The following ZCWPW2 variants were observed in gnomAD, a reference collection of about 807,000 sequenced individuals.
ZCWPW2 encodes the protein zinc finger CW-type PWWP domain protein 2.
Under a neutral mutation model 46.6 loss-of-function variants are expected in ZCWPW2, and 45 were observed. The ratio of observed to expected loss-of-function variants is 0.96; its 90% confidence interval spans 0.76 to 1.24. The LOEUF (loss-of-function observed/expected upper bound fraction) is 1.24. Ranked by LOEUF, ZCWPW2 falls within the 50% of genes most tolerant of loss-of-function variation. The pLI is 0.00. For synonymous variants in ZCWPW2, 152 were observed against 137.1 expected (o/e 1.11, Z -0.76); for missense variants, 429 against 403.9 (o/e 1.06, Z -0.53).
chr3:28,480,861 TTTC>T (rs1208976599), intron 5 of ZCWPW2, among the ~76,000 whole-genome samples: 217 of 130,970 alleles, frequency 1.7e-3, no homozygotes, highest in African/African-American at 5.4e-3. Context: ...CCTCATTTTT[TTTC>T]TTTTTTTTTT....
At chr3:28,491,820 C>T (rs186259623) in intron 5 of ZCWPW2, among the ~76,000 whole-genome samples, 11 of 152,192 alleles carry the variant, frequency 7.2e-5, no homozygotes, top group Non-Finnish European at 1.5e-4. Flanking sequence ...CCAGAGCACA[C>T]AAGCTCCCCA....
chr3:28,399,633 A>G (rs985352620), intron 2 of ZCWPW2, among the ~76,000 whole-genome samples: 1 of 152,228 alleles, frequency 6.6e-6, no homozygotes, highest in African/African-American at 2.4e-5. Flanking sequence ...CCCCAGTATC[A>G]GCCTGGAGCC....
intron 1 of ZCWPW2, among the ~76,000 whole-genome samples, chr3:28,371,873 A>G (rs753425115): frequency 2.6e-5 from 4 of 151,916 alleles, no homozygotes; most frequent in Non-Finnish European, 5.9e-5. Context: ...AGTTTAGTCA[A>G]AGGGAGAGTC....
intron 1 of ZCWPW2, among the ~76,000 whole-genome samples, chr3:28,362,328 A>G (rs1704971336): frequency 1.3e-5 from 2 of 152,172 alleles, no homozygotes; most frequent in South Asian, 2.1e-4. Flanking sequence ...ATAGTTCAAT[A>G]GAAGCCACAG....
intron 4 of ZCWPW2, among the ~76,000 whole-genome samples, chr3:28,464,254 A>G (rs142729570): frequency 1.9e-3 from 292 of 152,272 alleles, no homozygotes; most frequent in African/African-American, 6.6e-3. Flanking sequence ...AGATGGTAGC[A>G]CTGGAATGGC....
chr3:28,363,796 A>G (rs1200528010), intron 1 of ZCWPW2, among the ~76,000 whole-genome samples: 1 of 152,056 alleles, frequency 6.6e-6, no homozygotes, highest in Non-Finnish European at 1.5e-5. Flanking sequence ...ACTCCTTCTC[A>G]TAGAAACCAC....
chr3:28,492,407 A>G (rs1699841813), intron 6 of ZCWPW2, among the ~76,000 whole-genome samples: 1 of 152,138 alleles, frequency 6.6e-6, no homozygotes, highest in Non-Finnish European at 1.5e-5. Context: ...GAGAACTATA[A>G]GTAAACAAGT....
chr3:28,411,523 C>T (rs1696398817), intron 2 of ZCWPW2, among the ~76,000 whole-genome samples: 1 of 151,822 alleles, frequency 6.6e-6, no homozygotes, highest in African/African-American at 2.4e-5. Context: ...GTCTTAGCCA[C>T]CATAGTAAGA....
At position 28,476,855 on chromosome 3, in the gene ZCWPW2, T is replaced by C. The variant is rs142709007; in HGVS notation, c.493-1959T>C. Among the ~76,000 whole-genome samples the C allele has an allele frequency of 5.7e-3, 872 of 152,094 alleles. 6 individuals are homozygous for C. Among genetic ancestry groups the C allele is most frequent in the African/African-American group, 0.018 (739 of 41,488 alleles). ...TTATAAGGAGCACACAACCTAGATC[T>C]CTCCCACGTGCAGTTCACAATAGGG... is the stretch of plus-strand genomic sequence containing the variant. On this transcript the variant is annotated intron_variant, in intron 4 of 9. Coordinates refer to ENST00000383768, the MANE Select transcript of ZCWPW2 (RefSeq NM_001040432.4).
At chr3:28,420,247 A>T (rs1047121616) in intron 3 of ZCWPW2, among the ~76,000 whole-genome samples, 1 of 151,488 alleles carries the variant, frequency 6.6e-6, no homozygotes, top group Non-Finnish European at 1.5e-5. Flanking sequence ...TCAGTTTTAG[A>T]TCTTTCCTGC....
chr3:28,413,821 T>C (rs1696513042), intron 3 of ZCWPW2, among the ~76,000 whole-genome samples: 2 of 152,154 alleles, frequency 1.3e-5, no homozygotes, highest in African/African-American at 4.8e-5. Flanking sequence ...AAATCTGTTG[T>C]AATCAGTTCC....
At chr3:28,350,414 C>A (rs541311117) in intron 1 of ZCWPW2, among the ~76,000 whole-genome samples, 1 of 152,236 alleles carries the variant, frequency 6.6e-6, no homozygotes, top group African/African-American at 2.4e-5. Context: ...TGTCATAAAT[C>A]AGTATTTTGA....
intron 2 of ZCWPW2, among the ~76,000 whole-genome samples, chr3:28,409,229 C>T (rs1234346673): frequency 6.7e-6 from 1 of 149,984 alleles, no homozygotes; most frequent in Non-Finnish European, 1.5e-5. Context: ...AAGCGATTCT[C>T]CTGCCTCAGC....
At chr3:28,380,724 CTTTCCATTTTTCCCTACATGGAATATG>C (rs1395773587) in intron 1 of ZCWPW2, among the ~76,000 whole-genome samples, 3 of 151,570 alleles carry the variant, frequency 2.0e-5, no homozygotes, top group African/African-American at 7.3e-5. Context: ...TGATTAATCT[CTTTCCATTTTTCCCTACATGGAATATG>C]TCAGTGAGTC....
chr3:28,468,940 T>C (rs950079027), intron 4 of ZCWPW2, among the ~76,000 whole-genome samples: 10 of 152,164 alleles, frequency 6.6e-5, no homozygotes, highest in Admixed American at 2.6e-4. Flanking sequence ...CACTGTTAAC[T>C]GTGTTGTGTA....
chr3:28,405,616 C>G (rs1216861358), intron 2 of ZCWPW2, among the ~76,000 whole-genome samples: 1 of 152,090 alleles, frequency 6.6e-6, no homozygotes, highest in Non-Finnish European at 1.5e-5. Context: ...GCCAGGATTA[C>G]AGGCACCCAC....
At chr3:28,375,004 C>G (rs1351905610) in intron 1 of ZCWPW2, among the ~76,000 whole-genome samples, 2 of 151,906 alleles carry the variant, frequency 1.3e-5, no homozygotes, top group African/African-American at 4.8e-5. Flanking sequence ...CTTGAGAGCA[C>G]CAGTGGTAGG....
rs757031560 is a variant in ZCWPW2, at chr3:28,524,596, G to C, written c.979G>C (p.Val327Leu). Reference sequence around the variant, plus strand: ...AAACCACTATGAAGAGGACTATCTTGTAATTGATGGGATAAAATTAAAAGC... The same window carrying C: ...AAACCACTATGAAGAGGACTATCTTCTAATTGATGGGATAAAATTAAAAGC... ...FENHYEEDYL[V>L]IDGIKLKAGE... The change falls in exon 10 of 10, where the codon GTA becomes CTA. Residue 327 changes from valine to leucine, a missense_variant. Physicochemically the swap from Val to Leu is conservative, Grantham distance 32. Coordinates refer to ENST00000383768, the MANE Select transcript of ZCWPW2 (RefSeq NM_001040432.4). 1.2e-6 allele frequency: 2 copies of C among 1,609,574 alleles called. No homozygotes were observed. Among genetic ancestry groups the C allele is most frequent in the Non-Finnish European group, 1.7e-6 (2 of 1,177,846 alleles).
Position 28,447,825 on chromosome 3 carries a change from A to G in ZCWPW2, c.492+12556A>G, listed in dbSNP as rs186339167. On this transcript the variant is annotated intron_variant, in intron 4 of 9. Coordinates refer to ENST00000383768, the MANE Select transcript of ZCWPW2 (RefSeq NM_001040432.4). Reference sequence around the variant, plus strand: ...CCTGGCAATAGAATTGTTTACCTTTATACAAAGAAGGTTGGGAAAGCACCA... The same window carrying G: ...CCTGGCAATAGAATTGTTTACCTTTGTACAAAGAAGGTTGGGAAAGCACCA... 3.0e-6 allele frequency: 3 copies of G among 1,016,688 alleles called. No homozygotes were observed. In the East Asian group the frequency reaches 7.5e-5, roughly 26 times the overall value. The allele number at this position is 1,016,688 out of a possible 1,614,324, so 63.0% of individuals were successfully genotyped here.
Sources: allele counts gnomAD v4.1 joint callset (sites outside exome capture counted in the v4.1 genomes callset), GRCh38; gene constraint gnomAD v4.1.1; transcripts MANE v1.5; gene names NCBI Gene and HGNC (gene_info 2026-07-23, HGNC 2026-07-21).